Variants in PUDP observed in about 807,000 individuals in gnomAD.
PUDP encodes pseudouridine-5'-phosphatase.
A neutral mutation model predicts 9.4 loss-of-function variants in PUDP; 8 were observed. The ratio of observed to expected loss-of-function variants is 0.85; its 90% CI spans 0.50 to 1.53. PUDP has a LOEUF of 1.53. Among genes scored for constraint, PUDP ranks in the 40% most tolerant of loss-of-function variants. The probability of loss-of-function intolerance (pLI) is 0.00; values close to 1 mark genes in which losing one functional copy is unlikely to be tolerated. For missense variants in PUDP, 188 were observed against 189.7 expected, an observed-to-expected ratio of 0.99 and a Z score of 0.05; for synonymous variants, 99 against 80.7, an observed-to-expected ratio of 1.23 and a Z score of -1.22.
chrX:6,756,941 T>C (rs952904659), intron 3 of PUDP, among the ~76,000 whole-genome samples: 1 of 111,655 alleles, frequency 9.0e-6, no homozygotes, highest in African/African-American at 3.3e-5. Context: ...GTGGGAAGAT[T>C]TGTAGATCAC....
intron 1 of PUDP, among the ~76,000 whole-genome samples, chrX:6,717,929 A>G (rs1191372022): frequency 9.0e-6 from 1 of 111,420 alleles, no homozygotes; most frequent in African/African-American, 3.3e-5. Flanking sequence ...TGTGGTTTTA[A>G]TTTGCATTTC....
At chrX:7,069,188 G>A (rs1251877004) in intron 3 of PUDP, among the ~76,000 whole-genome samples, 2 of 111,797 alleles carry the variant, frequency 1.8e-5, no homozygotes. Flanking sequence ...CGTTGCAGAG[G>A]AGCGTGGGAA....
intron 1 of PUDP, among the ~76,000 whole-genome samples, chrX:7,129,939 C>T (rs1306530755): frequency 9.0e-6 from 1 of 111,725 alleles, no homozygotes; most frequent in Non-Finnish European, 1.9e-5. Flanking sequence ...GAATATGTGA[C>T]ACGGAGCACC....
intron 1 of PUDP, among the ~76,000 whole-genome samples, chrX:7,126,380 A>G (rs1569166994): frequency 8.9e-6 from 1 of 112,070 alleles, no homozygotes; most frequent in East Asian, 2.8e-4. Context: ...TCAGGAAAAC[A>G]TTGGTCCAGA....
chrX:6,999,659 G>A (rs1379959893), intron 1 of PUDP, among the ~76,000 whole-genome samples: 3 of 110,235 alleles, frequency 2.7e-5, no homozygotes, highest in South Asian at 3.8e-4. Context: ...AAACTCAAGG[G>A]GCTGCACTTC....
At chrX:6,783,866 C>A (rs887287068) in intron 3 of PUDP, among the ~76,000 whole-genome samples, 3 of 111,599 alleles carry the variant, frequency 2.7e-5, no homozygotes, top group Non-Finnish European at 5.6e-5. Context: ...TGATTCAGCC[C>A]AAGTTCGAAG....
At chrX:6,859,009 C>A (rs1926957389) in intron 3 of PUDP, among the ~76,000 whole-genome samples, 1 of 111,454 alleles carries the variant, frequency 9.0e-6, no homozygotes, top group Non-Finnish European at 1.9e-5. Context: ...GGTGGCAGGT[C>A]TTTCTTGTGT....
intron 3 of PUDP, among the ~76,000 whole-genome samples, chrX:7,058,746 G>A (rs1207920183): frequency 8.9e-6 from 1 of 111,889 alleles, no homozygotes; most frequent in Non-Finnish European, 1.9e-5. Flanking sequence ...TGAGGTATGT[G>A]TGTATTTTGT....
rs182623546 is a variant in PUDP at position 6,916,144 on chromosome X, C to T, written c.*247+60989G>A. Among the ~76,000 whole-genome samples, 29 of 106,472 alleles carry T rather than the reference C, an allele frequency of 2.7e-4. No individual in the cohort carries two copies. In the Admixed American group the frequency reaches 3.0e-3, roughly 11 times the overall value. The allele number at this position is 106,472 out of a possible 115,157, so 92.5% of individuals were successfully genotyped here. ...CATACACATGTACTGTTATCTCCTT[C>T]ATGTCAATGCATTTCTACCCAGTCA... On this transcript the variant is annotated intron_variant and NMD_transcript_variant, in intron 3 of 3. Transcript: ENST00000655425.
At chrX:6,933,266 C>T (rs982079829) in intron 3 of PUDP, among the ~76,000 whole-genome samples, 2 of 109,795 alleles carry the variant, frequency 1.8e-5, no homozygotes, top group Non-Finnish European at 3.8e-5. Context: ...TTCACATGGC[C>T]GGGTACTCCT....
At position 6,993,981 on chromosome X, in the gene PUDP, T is replaced by C. The variant is rs1201341342; in HGVS notation, c.205-15638A>G. Reference sequence around the variant, plus strand: ...AGACAGAACAAATTGGAATATTAGATTTCTTTTACATTTCAGAATTTTAAC... The same window carrying C: ...AGACAGAACAAATTGGAATATTAGACTTCTTTTACATTTCAGAATTTTAAC... On this transcript the variant is annotated intron_variant and NMD_transcript_variant, in intron 1 of 3. Coordinates refer to the PUDP transcript ENST00000655425. 4.4e-5 allele frequency among the ~76,000 whole-genome samples: 5 copies of C among 112,653 alleles called. No individual in the cohort carries two copies. In the Admixed American group the frequency reaches 4.7e-4, roughly 11 times the overall value.
chrX:6,761,093 A>G (rs1925223867), intron 3 of PUDP, among the ~76,000 whole-genome samples: 1 of 111,914 alleles, frequency 8.9e-6, no homozygotes, highest in African/African-American at 3.3e-5. Flanking sequence ...GGTTAGAGCC[A>G]GTTCTAACCC....
At chrX:6,949,689 C>G (rs1165671480) in intron 3 of PUDP, among the ~76,000 whole-genome samples, 1 of 112,548 alleles carries the variant, frequency 8.9e-6, no homozygotes, top group Non-Finnish European at 1.9e-5. Flanking sequence ...TATTAATTGT[C>G]TACTGCTGAA....
intron 1 of PUDP, among the ~76,000 whole-genome samples, chrX:7,123,354 GTTAAGATGTTTA>G (rs1405128418): frequency 1.8e-5 from 2 of 111,939 alleles, no homozygotes; most frequent in Non-Finnish European, 3.8e-5. Context: ...AAAATAAGTG[GTTAAGATGTTTA>G]TCATAGTCCA....
chrX:7,116,301 G>A (rs374079176), intron 1 of PUDP, among the ~76,000 whole-genome samples: 6 of 111,349 alleles, frequency 5.4e-5, no homozygotes, highest in African/African-American at 1.6e-4. Flanking sequence ...GGCTGGCGGT[G>A]GAAACTCTGT....
At chrX:6,787,843 G>A (rs1314066897) in intron 3 of PUDP, among the ~76,000 whole-genome samples, 1 of 112,413 alleles carries the variant, frequency 8.9e-6, no homozygotes, top group African/African-American at 3.2e-5. Flanking sequence ...ACTGCCAAAA[G>A]CTTAGAAAAA....
intron 3 of PUDP, among the ~76,000 whole-genome samples, chrX:6,759,331 A>G (rs1925204059): frequency 8.9e-6 from 1 of 112,080 alleles, no homozygotes; most frequent in African/African-American, 3.2e-5. Flanking sequence ...TCCCCAGTCA[A>G]GATTTTTGTG....
chrX:6,733,617 G>A (rs1413110753), intron 3 of PUDP, among the ~76,000 whole-genome samples: 1 of 109,580 alleles, frequency 9.1e-6, no homozygotes, highest in Admixed American at 9.8e-5. Flanking sequence ...GAGAGAGATG[G>A]TCCATAGCGG....
intron 3 of PUDP, among the ~76,000 whole-genome samples, chrX:6,766,881 A>G (rs958159219): frequency 8.9e-6 from 1 of 112,302 alleles, no homozygotes; most frequent in African/African-American, 3.2e-5. Flanking sequence ...TCTTACAACT[A>G]CATGACTTTA....
Sources: allele counts gnomAD v4.1 joint callset (sites outside exome capture counted in the v4.1 genomes callset), GRCh38; gene constraint gnomAD v4.1.1; transcripts MANE v1.5; gene names NCBI Gene and HGNC (gene_info 2026-07-23, HGNC 2026-07-21).